The following MAML2 variants were observed in gnomAD, a reference collection of about 807,000 sequenced individuals.
The protein encoded by MAML2 is mastermind-like protein 2.
MAML2 carries 22 observed loss-of-function variants against 96.1 expected under a neutral mutation model. That is an observed-to-expected ratio of 0.23 (90% CI 0.16 to 0.33). The LOEUF (loss-of-function observed/expected upper bound fraction) is 0.33, where lower values mean the gene tolerates loss of function less well. Among genes scored for constraint, MAML2 ranks in the 10% least tolerant of loss-of-function variants. The pLI, the probability that MAML2 is intolerant of heterozygous loss-of-function variation, is 1.00. For missense variants in MAML2, 1,367 were observed against 1,392.4 expected (o/e 0.98, Z 0.29); for synonymous variants, 561 against 521.3 (o/e 1.08, Z -1.04).
At chr11:96,321,969 G>T (rs1565283641) in intron 1 of MAML2, among the ~76,000 whole-genome samples, 6 of 151,896 alleles carry the variant, frequency 4.0e-5, no homozygotes, top group Admixed American at 1.3e-4. Flanking sequence ...TGTTGTTGTT[G>T]TTTTTTTCCT....
intron 1 of MAML2, among the ~76,000 whole-genome samples, chr11:96,112,028 G>A (rs1210109285): frequency 1.3e-5 from 2 of 151,938 alleles, no homozygotes; most frequent in Admixed American, 6.6e-5. Context: ...AATGCTGCTC[G>A]TTAAACAAGC....
intron 1 of MAML2, among the ~76,000 whole-genome samples, chr11:96,332,516 C>T (rs1252368355): frequency 6.6e-6 from 1 of 152,168 alleles, no homozygotes; most frequent in Non-Finnish European, 1.5e-5. Context: ...AGGACTTGGG[C>T]CCAAACTTTA....
intron 1 of MAML2, among the ~76,000 whole-genome samples, chr11:96,148,549 T>C (rs1285315244): frequency 1.3e-5 from 2 of 151,970 alleles, no homozygotes; most frequent in Non-Finnish European, 2.9e-5. Context: ...CCTACCCGCC[T>C]GAAGCTGAAC....
chr11:96,054,592 G>A (rs1308454997), intron 2 of MAML2, among the ~76,000 whole-genome samples: 1 of 151,998 alleles, frequency 6.6e-6, no homozygotes, highest in Non-Finnish European at 1.5e-5. Flanking sequence ...CAGAGAGAGA[G>A]AAAAAAAGAA....
At chr11:96,104,684 T>A (rs1019216479) in intron 1 of MAML2, among the ~76,000 whole-genome samples, 1 of 152,262 alleles carries the variant, frequency 6.6e-6, no homozygotes, top group East Asian at 1.9e-4. Context: ...GAAGGCTGCC[T>A]ATATTGTAGT....
intron 1 of MAML2, among the ~76,000 whole-genome samples, chr11:96,243,920 C>A (rs921535306): frequency 6.6e-6 from 1 of 152,160 alleles, no homozygotes; most frequent in Non-Finnish European, 1.5e-5. Context: ...GGATTACTGG[C>A]GTGAGCCACC....
At chr11:96,012,999 G>A (rs1185837578) in intron 2 of MAML2, among the ~76,000 whole-genome samples, 1 of 152,158 alleles carries the variant, frequency 6.6e-6, no homozygotes, top group Non-Finnish European at 1.5e-5. Flanking sequence ...AATAGCATAT[G>A]TATTCACCTT....
chr11:96,247,361 T>C (rs1459608318), intron 1 of MAML2, among the ~76,000 whole-genome samples: 1 of 152,124 alleles, frequency 6.6e-6, no homozygotes, highest in East Asian at 1.9e-4. Context: ...AAAATGTCAC[T>C]ATGCTTTCAA....
At chr11:96,263,459 G>C (rs1018873583) in intron 1 of MAML2, among the ~76,000 whole-genome samples, 1 of 152,208 alleles carries the variant, frequency 6.6e-6, no homozygotes, top group African/African-American at 2.4e-5. Context: ...TTTCTAAAGT[G>C]TTTCTCAATC....
At chr11:96,262,097 C>G (rs1031254148) in intron 1 of MAML2, among the ~76,000 whole-genome samples, 1 of 152,116 alleles carries the variant, frequency 6.6e-6, no homozygotes, top group African/African-American at 2.4e-5. Context: ...AGGATGGAAC[C>G]CAGAAATCCG....
chr11:96,251,759 TC>T (rs1862584943), intron 1 of MAML2, among the ~76,000 whole-genome samples: 1 of 141,236 alleles, frequency 7.1e-6, no homozygotes, highest in East Asian at 2.1e-4. Flanking sequence ...TGAGACGGAG[TC>T]TCACTCTGTC....
chr11:96,324,632 T>C (rs1387499975), intron 1 of MAML2, among the ~76,000 whole-genome samples: 2 of 152,206 alleles, frequency 1.3e-5, no homozygotes, highest in Non-Finnish European at 2.9e-5. Context: ...CCACCGATTA[T>C]GAGTCCCCAC....
chr11:96,134,831 A>G (rs777726879), intron 1 of MAML2, among the ~76,000 whole-genome samples: 4 of 152,214 alleles, frequency 2.6e-5, no homozygotes, highest in Non-Finnish European at 5.9e-5. Context: ...TTGCTACTCT[A>G]TCATGTATTA....
intron 1 of MAML2, among the ~76,000 whole-genome samples, chr11:96,285,965 C>T (rs952377252): frequency 5.3e-5 from 8 of 152,066 alleles, no homozygotes; most frequent in East Asian, 3.9e-4. Context: ...CCAGCAATCC[C>T]GTTACTGGGT....
At position 96,341,942 on chromosome 11, in the gene MAML2, G is replaced by A. The variant is rs1465563503; in HGVS notation, c.-47C>T. On this transcript the variant is annotated 5_prime_UTR_variant, in exon 1 of 5. Coordinates refer to ENST00000524717, the MANE Select transcript of MAML2 (RefSeq NM_032427.4). ...TGCCTCTGGGATGGTGAGGTGGAAA[G>A]AGGCTACTGCTGGCTATTGCAGGCA... The A allele has an allele frequency of 2.0e-6, 3 of 1,465,888 alleles. No homozygotes were observed. The highest frequency in any genetic ancestry group is 2.7e-6 in the Non-Finnish European group (3 of 1,113,954). 90.8% of individuals were successfully genotyped at this position (1,465,888 alleles called of 1,614,324 possible).
chr11:96,158,263 A>T (rs924983300), intron 1 of MAML2, among the ~76,000 whole-genome samples: 6 of 152,224 alleles, frequency 3.9e-5, no homozygotes, highest in Middle Eastern at 3.2e-3. Context: ...GTCTGTTGAC[A>T]CGTGTTGGTT....
chr11:96,022,284 G>A (rs893259627), intron 2 of MAML2, among the ~76,000 whole-genome samples: 1 of 152,192 alleles, frequency 6.6e-6, no homozygotes, highest in Non-Finnish European at 1.5e-5. Flanking sequence ...AATCTTTCCT[G>A]AGACCCCAGT....
At chr11:96,159,599 T>C (rs1420479058) in intron 1 of MAML2, among the ~76,000 whole-genome samples, 1 of 152,028 alleles carries the variant, frequency 6.6e-6, no homozygotes, top group East Asian at 1.9e-4. Context: ...CTAATTTTTG[T>C]ATTTTTAGTA....
At chr11:96,103,549 G>C (rs941743359) in intron 1 of MAML2, among the ~76,000 whole-genome samples, 5 of 152,144 alleles carry the variant, frequency 3.3e-5, no homozygotes, top group Non-Finnish European at 1.5e-5. Context: ...TACCAAAAAG[G>C]TCCCTTCTTT....
Sources: gnomAD v4.1 joint callset for allele counts (sites outside exome capture counted in the v4.1 genomes callset) on GRCh38, gnomAD v4.1.1 for gene constraint, MANE v1.5 for transcripts, NCBI Gene and HGNC (gene_info 2026-07-23, HGNC 2026-07-21) for gene names.